The following CDYL2 variants were observed in gnomAD, a reference collection of about 807,000 sequenced individuals.
CDYL2 encodes the protein chromodomain Y like 2.
CDYL2 carries 23 observed loss-of-function variants against 49.4 expected under a neutral mutation model. That is an observed-to-expected ratio of 0.47 (90% CI 0.34 to 0.66). The LOEUF is 0.66. Ranked by LOEUF, CDYL2 falls within the 30% of genes least tolerant of loss-of-function variation. The probability of loss-of-function intolerance (pLI) is 0.01; values close to 1 mark genes in which losing one functional copy is unlikely to be tolerated. For missense variants in CDYL2, 678 were observed against 656.4 expected (o/e 1.03, Z -0.36); for synonymous variants, 360 against 268.8 (o/e 1.34, Z -3.32).
intron 2 of CDYL2, among the ~76,000 whole-genome samples, chr16:80,658,680 A>C (rs1266445788): frequency 6.6e-6 from 1 of 152,224 alleles, no homozygotes; most frequent in Admixed American, 6.5e-5. Flanking sequence ...AAAATTATAC[A>C]TATTTCCTAG....
chr16:80,803,930 G>T (rs1486542925), intron 1 of CDYL2, among the ~76,000 whole-genome samples: 6 of 142,424 alleles, frequency 4.2e-5, no homozygotes, highest in African/African-American at 1.5e-4. Context: ...GAAAGAGAAA[G>T]AGGGAGCGGG....
intron 2 of CDYL2, among the ~76,000 whole-genome samples, chr16:80,644,883 T>C (rs192285958): frequency 2.0e-5 from 3 of 152,064 alleles, no homozygotes; most frequent in African/African-American, 4.8e-5. Flanking sequence ...AAACAAGAAA[T>C]GGGGAAAGGA....
At chr16:80,801,272 G>C (rs534742385) in intron 1 of CDYL2, among the ~76,000 whole-genome samples, 85 of 152,280 alleles carry the variant, frequency 5.6e-4, no homozygotes, top group African/African-American at 1.8e-3. Flanking sequence ...AAACAAACCA[G>C]AACTATCTAT....
intron 3 of CDYL2, among the ~76,000 whole-genome samples, chr16:80,630,660 C>T (rs569162468): frequency 6.6e-6 from 1 of 152,010 alleles, no homozygotes; most frequent in Non-Finnish European, 1.5e-5. Flanking sequence ...GATGGAGAGG[C>T]CCCCAAAACA....
Position 80,612,140 on chromosome 16 carries a change from C to A in CDYL2, c.1218+486G>T, listed in dbSNP as rs1906627031. On this transcript the variant is annotated intron_variant, in intron 5 of 6. Transcript: ENST00000570137. The surrounding 1 kb of genome is among the most constrained non-coding windows in gnomAD (Gnocchi z 5.0). ...TACCACATGAGTGGAGGGGAAGACG[C>A]CCCTGCCGGCCTGGCCCATGAAGCC... Among the ~76,000 whole-genome samples the A allele has an allele frequency of 6.6e-6, 1 of 152,172 alleles. No individual in the cohort carries two copies. Among genetic ancestry groups the A allele is most frequent in the African/African-American group, 2.4e-5 (1 of 41,450 alleles).
chr16:80,676,961 G>GTCTTTTTTTTTTT lies in CDYL2; in HGVS notation c.616+7576_616+7577insAAAAAAAAAAAGA, dbSNP rs1407459686. On this transcript the variant is annotated intron_variant, in intron 2 of 6. Coordinates refer to ENST00000570137, the MANE Select transcript of CDYL2 (RefSeq NM_152342.4). ...AGGACTTTTTAACAACCAATTCAAT[G>GTCTTTTTTTTTTT]TATTTTTTTTTTTTTTTTTTTTTTT... Among the ~76,000 whole-genome samples the GTCTTTTTTTTTTT allele has an allele frequency of 6.3e-5, 7 of 110,518 alleles. 2 individuals are homozygous for GTCTTTTTTTTTTT. Among genetic ancestry groups the GTCTTTTTTTTTTT allele is most frequent in the Non-Finnish European group, 7.5e-5 (4 of 53,550 alleles). 72.5% of individuals were successfully genotyped at this position (110,518 alleles called of 152,430 possible).
At chr16:80,705,300 G>T (rs2142505547) in intron 1 of CDYL2, among the ~76,000 whole-genome samples, 1 of 152,356 alleles carries the variant, frequency 6.6e-6, no homozygotes, top group Non-Finnish European at 1.5e-5. Flanking sequence ...GGGAAAGCGG[G>T]CAGGGAGATT....
At chr16:80,699,218 G>A (rs986458759) in intron 1 of CDYL2, among the ~76,000 whole-genome samples, 1 of 152,176 alleles carries the variant, frequency 6.6e-6, no homozygotes, top group Non-Finnish European at 1.5e-5. Flanking sequence ...CATGTTTACT[G>A]CAGCACTATT....
At chr16:80,708,662 G>A (rs567754108) in intron 1 of CDYL2, among the ~76,000 whole-genome samples, 124 of 152,254 alleles carry the variant, frequency 8.1e-4, no homozygotes, top group African/African-American at 2.8e-3. Context: ...TGCAAAGGGC[G>A]TCACTGTACC....
intron 1 of CDYL2, among the ~76,000 whole-genome samples, chr16:80,747,666 G>C (rs1002627340): frequency 2.6e-5 from 4 of 152,104 alleles, no homozygotes; most frequent in Non-Finnish European, 5.9e-5. Flanking sequence ...TCTGAGGCCA[G>C]AGAAGCAAGT....
intron 2 of CDYL2, among the ~76,000 whole-genome samples, chr16:80,683,195 C>T (rs1910038659): frequency 6.6e-6 from 1 of 152,246 alleles, no homozygotes; most frequent in Non-Finnish European, 1.5e-5. Flanking sequence ...CTGGTTTCAT[C>T]AGGGAATCTG....
chr16:80,734,705 G>A (rs950397083), intron 1 of CDYL2, among the ~76,000 whole-genome samples: 2 of 152,172 alleles, frequency 1.3e-5, no homozygotes, highest in Non-Finnish European at 2.9e-5. Context: ...TGGGAGCACA[G>A]ATATACCTGC....
intron 1 of CDYL2, among the ~76,000 whole-genome samples, chr16:80,791,655 C>T (rs1231225309): frequency 2.6e-5 from 4 of 152,062 alleles, no homozygotes; most frequent in Non-Finnish European, 5.9e-5. Context: ...CGGACAGTGT[C>T]CCAGTCATTT....
At chr16:80,680,811 G>A (rs1268580192) in intron 2 of CDYL2, among the ~76,000 whole-genome samples, 3 of 152,128 alleles carry the variant, frequency 2.0e-5, no homozygotes, top group Non-Finnish European at 2.9e-5. Flanking sequence ...ACCTGTGGCT[G>A]TTACAATTCA....
At chr16:80,653,825 G>C (rs1222415118) in intron 2 of CDYL2, among the ~76,000 whole-genome samples, 1 of 152,222 alleles carries the variant, frequency 6.6e-6, no homozygotes, top group African/African-American at 2.4e-5. Flanking sequence ...TCAACCCATG[G>C]TTCTTACACT....
chr16:80,744,218 TG>T (rs1485823555), intron 1 of CDYL2, among the ~76,000 whole-genome samples: 17 of 152,280 alleles, frequency 1.1e-4, no homozygotes, highest in Admixed American at 3.3e-4. Context: ...GCAGGAGCCC[TG>T]GGGAACACAC....
At chr16:80,672,947 G>A (rs147922425) in intron 2 of CDYL2, among the ~76,000 whole-genome samples, 85 of 152,290 alleles carry the variant, frequency 5.6e-4, no homozygotes, top group African/African-American at 1.9e-3. Context: ...TGCAGTAACT[G>A]TCGTATAGAA....
chr16:80,708,661 C>G (rs1405190212), intron 1 of CDYL2, among the ~76,000 whole-genome samples: 1 of 152,112 alleles, frequency 6.6e-6, no homozygotes, highest in Non-Finnish European at 1.5e-5. Flanking sequence ...CTGCAAAGGG[C>G]GTCACTGTAC....
chr16:80,701,339 G>C (rs531829658), intron 1 of CDYL2, among the ~76,000 whole-genome samples: 21 of 152,180 alleles, frequency 1.4e-4, no homozygotes, highest in Non-Finnish European at 2.1e-4. Context: ...CTCTAAGGCA[G>C]GGAGTGGATG....
Sources: gnomAD v4.1 joint callset for allele counts (sites outside exome capture counted in the v4.1 genomes callset) on GRCh38, gnomAD v4.1.1 for gene constraint, Gnocchi (gnomAD v3.1) non-coding constraint, MANE v1.5 for transcripts, NCBI Gene and HGNC (gene_info 2026-07-23, HGNC 2026-07-21) for gene names.